TUBA1C: variants seen among roughly 807,000 people sequenced by gnomAD.
TUBA1C encodes tubulin alpha-1C chain.
A neutral mutation model predicts 34.9 loss-of-function variants in TUBA1C; 16 were observed. That is an observed-to-expected ratio of 0.46 (90% CI 0.31 to 0.70). The LOEUF is 0.70. TUBA1C is among the 30% of genes least tolerant of loss of function. The pLI is 0.05. For missense variants in TUBA1C, 329 were observed against 587.3 expected, an observed-to-expected ratio of 0.56 and a Z score of 4.55; for synonymous variants, 177 against 215.9, an observed-to-expected ratio of 0.82 and a Z score of 1.58.
intron 3 of TUBA1C, among the ~76,000 whole-genome samples, chr12:49,270,871 A>G (rs563302213): frequency 6.6e-6 from 1 of 152,042 alleles, no homozygotes; most frequent in Non-Finnish European, 1.5e-5. Flanking sequence ...CCTAGCTACT[A>G]GGGAGGCTGA....
chr12:49,270,404 G>A (rs1452680438), intron 3 of TUBA1C, among the ~76,000 whole-genome samples: 1 of 152,166 alleles, frequency 6.6e-6, no homozygotes. Context: ...AAGTGGAGTC[G>A]GGAGCTTCCT....
At chr12:49,269,429 A>G in intron 1 of TUBA1C, 36 bp from the exon 2 acceptor site, 1 of 1,613,342 alleles carries the variant, frequency 6.2e-7, no homozygotes, top group Non-Finnish European at 8.5e-7. Flanking sequence ...CATCTGATGT[A>G]TTATACCCTG....
intron 1 of TUBA1C, chr12:49,257,919 T>C: frequency 5.6e-6 from 1 of 178,150 alleles, no homozygotes; most frequent in Non-Finnish European, 1.2e-5. Context: ...AGTGCAGTGG[T>C]ACAATCTTGG....
At chr12:49,243,168 G>C (rs1275763572) in intron 1 of TUBA1C, among the ~76,000 whole-genome samples, 2 of 152,162 alleles carry the variant, frequency 1.3e-5, no homozygotes, top group Admixed American at 6.5e-5. Flanking sequence ...GGTGCAGGCT[G>C]GTTGCGGTGG....
intron 1 of TUBA1C, among the ~76,000 whole-genome samples, chr12:49,232,604 AT>A (rs1344459182): frequency 6.6e-6 from 1 of 152,194 alleles, no homozygotes; most frequent in Non-Finnish European, 1.5e-5. Context: ...TGAGAAAAAA[AT>A]ATCACTTATA....
upstream of TUBA1C, chr12:49,264,988 G>A: frequency 1.3e-6 from 1 of 754,518 alleles, no homozygotes; most frequent in Non-Finnish European, 1.8e-6. Context: ...CGAAGGTGGG[G>A]CCGCAGCGGC....
At chr12:49,258,205 G>C (rs911891005) in intron 1 of TUBA1C, among the ~76,000 whole-genome samples, 6 of 151,968 alleles carry the variant, frequency 3.9e-5, no homozygotes, top group African/African-American at 1.5e-4. Context: ...ATTTATCATT[G>C]AAGAAGGAAA....
chr12:49,256,263 AT>A lies in TUBA1C; in HGVS notation c.214-13193del, dbSNP rs1013002782. Reference sequence around the variant, plus strand: ...GTCAGGTGATCTCTGTTCCAGGATAATTTTTTTTTCCTCTGAAACAACTTTG... The same window carrying A: ...GTCAGGTGATCTCTGTTCCAGGATAATTTTTTTTCCTCTGAAACAACTTTG... On this transcript the variant is annotated intron_variant, in intron 1 of 3. Coordinates refer to the TUBA1C transcript ENST00000541364. The A allele has an allele frequency of 4.2e-4, 141 of 333,334 alleles. 1 individual carries two copies. The highest frequency in any genetic ancestry group is 1.2e-3 in the South Asian group (51 of 43,442). 20.6% of individuals were successfully genotyped at this position (333,334 alleles called of 1,614,324 possible).
intron 1 of TUBA1C, among the ~76,000 whole-genome samples, chr12:49,246,353 G>GAATA (rs201963676): frequency 0.015 from 2,269 of 152,160 alleles, 24 homozygotes; most frequent in East Asian, 0.026. Flanking sequence ...ACCCAACAGA[G>GAATA]AATAAAAGTA....
chr12:49,265,914 T>C (rs528052942), intron 1 of TUBA1C, among the ~76,000 whole-genome samples: 2 of 131,392 alleles, frequency 1.5e-5, no homozygotes, highest in South Asian at 5.0e-4. Flanking sequence ...CAGCACTTGT[T>C]CGAGACAAAC....
At chr12:49,251,200 C>T (rs563200490) in intron 1 of TUBA1C, among the ~76,000 whole-genome samples, 1 of 152,182 alleles carries the variant, frequency 6.6e-6, no homozygotes, top group Non-Finnish European at 1.5e-5. Context: ...AGAGTGAGAC[C>T]CTGTCTCAAG....
intron 1 of TUBA1C, among the ~76,000 whole-genome samples, chr12:49,243,340 C>G (rs367956625): frequency 1.3e-5 from 2 of 151,984 alleles, no homozygotes; most frequent in East Asian, 3.9e-4. Context: ...ACTAGCCAAG[C>G]TAAGGCGGGA....
Position 49,239,363 on chromosome 12 carries a change from G to A in TUBA1C, c.213+11197G>A, listed in dbSNP as rs183254019. ...TGTATTAATATTTGTAGAGTTGGCC[G>A]CGTGGGGTGGCTCATACCTATAATC... On this transcript the variant is annotated intron_variant, in intron 1 of 3. Coordinates refer to the TUBA1C transcript ENST00000541364. 4.5e-4 allele frequency among the ~76,000 whole-genome samples: 68 copies of A among 152,156 alleles called. No homozygotes were observed. The South Asian group carries it at 0.011, about 24-fold the overall frequency.
At chr12:49,244,057 C>T (rs559963033) in intron 1 of TUBA1C, among the ~76,000 whole-genome samples, 8 of 148,758 alleles carry the variant, frequency 5.4e-5, no homozygotes, top group Admixed American at 1.4e-4. Context: ...GGCTGAGGCA[C>T]GATAATCACT....
intron 1 of TUBA1C, among the ~76,000 whole-genome samples, chr12:49,252,158 A>G (rs1942737875): frequency 6.6e-6 from 1 of 152,242 alleles, no homozygotes; most frequent in Admixed American, 6.6e-5. Flanking sequence ...ACTCCAGAAT[A>G]TGATGCTAGG....
chr12:49,256,556 T>C (rs1565645141), intron 1 of TUBA1C: 1 of 327,864 alleles, frequency 3.1e-6, no homozygotes, highest in Non-Finnish European at 6.3e-6. Context: ...CTATGTACTT[T>C]AAAATGAGGA....
At chr12:49,234,892 A>C (rs561907306) in intron 1 of TUBA1C, among the ~76,000 whole-genome samples, 21 of 152,252 alleles carry the variant, frequency 1.4e-4, no homozygotes, top group Admixed American at 8.5e-4. Context: ...ATCTCGGCTC[A>C]CTGCAACCTC....
In TUBA1C at chr12:49,255,405, A is replaced by AT. The variant is rs1555167050; in HGVS notation, c.214-14060_214-14059insT. Among the ~76,000 whole-genome samples the AT allele has an allele frequency of 3.0e-4, 42 of 141,306 alleles. No homozygotes were observed. The South Asian group carries it at 3.9e-3, about 13-fold the overall frequency. The allele number at this position is 141,306 out of a possible 152,430, so 92.7% of individuals were successfully genotyped here. A position where few individuals can be genotyped will look rare whatever the true frequency, so the allele number is the denominator to read the frequency against. ...CCAGCAGCTGAACTTATCTTTAAAAAATATATATATATATATATATATATA... is the reference window on the plus strand; with the variant it reads ...CCAGCAGCTGAACTTATCTTTAAAAATATATATATATATATATATATATATA... On this transcript the variant is annotated intron_variant, in intron 1 of 3. Transcript: ENST00000541364.
At chr12:49,259,083 T>A (rs1942817165) in intron 1 of TUBA1C, among the ~76,000 whole-genome samples, 1 of 151,984 alleles carries the variant, frequency 6.6e-6, no homozygotes, top group African/African-American at 2.4e-5. Flanking sequence ...TTTTTAAATG[T>A]CCTAGGCCTT....
Sources: allele counts gnomAD v4.1 joint callset (sites outside exome capture counted in the v4.1 genomes callset), GRCh38; gene constraint gnomAD v4.1.1; transcripts MANE v1.5; gene names NCBI Gene and HGNC (gene_info 2026-07-23, HGNC 2026-07-21).